LSAMP: variants seen among roughly 807,000 people sequenced by gnomAD.
LSAMP encodes limbic system-associated membrane protein.
In LSAMP, 7 loss-of-function variants were observed where a neutral mutation model predicts 38.6. The observed-to-expected ratio is 0.18, with a 90% confidence interval of 0.10 to 0.34. LSAMP has a LOEUF of 0.34. LSAMP is among the 10% of genes least tolerant of loss of function. LSAMP has a pLI of 1.00. For missense variants in LSAMP, 313 were observed against 420.0 expected (o/e 0.75, Z 2.23); for synonymous variants, 154 against 166.8 (o/e 0.92, Z 0.59).
intron 1 of LSAMP, among the ~76,000 whole-genome samples, chr3:116,444,330 C>T (rs1014288336): frequency 4.7e-5 from 7 of 150,444 alleles, no homozygotes; most frequent in African/African-American, 1.7e-4. Flanking sequence ...ATCAGAAACC[C>T]TCACACACAA....
At chr3:116,381,246 A>C (rs2048554539) in intron 1 of LSAMP, among the ~76,000 whole-genome samples, 1 of 152,050 alleles carries the variant, frequency 6.6e-6, no homozygotes, top group Non-Finnish European at 1.5e-5. Context: ...AGTTCAATGG[A>C]TCATTAGACT....
intron 1 of LSAMP, among the ~76,000 whole-genome samples, chr3:116,116,848 A>G (rs1264624036): frequency 6.6e-6 from 1 of 152,218 alleles, no homozygotes; most frequent in East Asian, 1.9e-4. Context: ...GGCCATGCAT[A>G]GGTTCTCTGG....
chr3:116,256,352 A>G (rs775507537), intron 1 of LSAMP, among the ~76,000 whole-genome samples: 2 of 152,196 alleles, frequency 1.3e-5, no homozygotes, highest in Non-Finnish European at 2.9e-5. Flanking sequence ...CAAGCGTGGA[A>G]AGATAGAATA....
intron 6 of LSAMP, among the ~76,000 whole-genome samples, chr3:115,826,760 C>T (rs573236679): frequency 5.3e-5 from 8 of 152,298 alleles, no homozygotes; most frequent in African/African-American, 1.9e-4. Context: ...AATGTAACCT[C>T]TTTCTTGTGT....
intron 1 of LSAMP, among the ~76,000 whole-genome samples, chr3:116,373,200 G>A (rs1480046779): frequency 4.0e-5 from 6 of 151,024 alleles, no homozygotes; most frequent in African/African-American, 1.2e-4. Flanking sequence ...TAAGCAAAAC[G>A]TGTTTTTTAT....
In LSAMP at chr3:116,036,706, A is replaced by C. The variant is rs1232948452; in HGVS notation, c.389-17066T>G. On this transcript the variant is annotated intron_variant, in intron 2 of 6. Coordinates refer to ENST00000490035, the MANE Select transcript of LSAMP (RefSeq NM_002338.5). ...ATTCTGTAAAATCTAAACAAAGATA[A>C]TATAAGAGTATTATTGAATTAGCAA... Among the ~76,000 whole-genome samples, 4 of 141,566 alleles carry C rather than the reference A, an allele frequency of 2.8e-5. No individual in the cohort carries two copies. In the South Asian group the frequency reaches 8.4e-4, roughly 30 times the overall value. 92.9% of individuals were successfully genotyped at this position (141,566 alleles called of 152,430 possible).
At chr3:115,967,898 T>A (rs1033594951) in intron 3 of LSAMP, among the ~76,000 whole-genome samples, 1 of 152,038 alleles carries the variant, frequency 6.6e-6, no homozygotes, top group Non-Finnish European at 1.5e-5. Context: ...CAAGATGAGA[T>A]TTGGGTGGAG....
chr3:116,045,997 T>C (rs1941280950), intron 2 of LSAMP, among the ~76,000 whole-genome samples: 1 of 152,218 alleles, frequency 6.6e-6, no homozygotes, highest in Non-Finnish European at 1.5e-5. Context: ...CACTTACTCA[T>C]GCTTTTGAAA....
chr3:116,305,178 AGT>A (rs1356394412), intron 1 of LSAMP, among the ~76,000 whole-genome samples: 2 of 152,112 alleles, frequency 1.3e-5, no homozygotes, highest in Non-Finnish European at 2.9e-5. Flanking sequence ...ATTCTACTAT[AGT>A]TCCCTCATAA....
chr3:116,265,446 C>T (rs1171611788), intron 1 of LSAMP, among the ~76,000 whole-genome samples: 4 of 152,218 alleles, frequency 2.6e-5, no homozygotes, highest in Non-Finnish European at 5.9e-5. Context: ...ATTGACGGTT[C>T]ATAGCCTGCC....
intron 1 of LSAMP, 70 bp downstream of exon 1, chr3:116,444,806 AC>A (rs1432229323): frequency 0.13 from 201,110 of 1,505,994 alleles, 10,919 homozygotes; most frequent in African/African-American, 0.29. Flanking sequence ...ACACACACAC[AC>A]ACAAACACAC....
intron 1 of LSAMP, among the ~76,000 whole-genome samples, chr3:116,355,739 G>A (rs1241428886): frequency 6.6e-6 from 1 of 151,970 alleles, no homozygotes; most frequent in Non-Finnish European, 1.5e-5. Flanking sequence ...AACTCTACAG[G>A]AAAAAATCTA....
At position 115,852,471 on chromosome 3, in the gene LSAMP, T is replaced by A; in HGVS notation, c.649+12A>T. The A allele has an allele frequency of 1.2e-6, 2 of 1,605,078 alleles. No individual in the cohort carries two copies. The highest frequency in any genetic ancestry group is 4.5e-5 in the East Asian group (2 of 44,592). ...TGGGCACCTAGCACCTGCTGGCTCC[T>A]GCCGTACTCACAGTTCACAGTGACC... On this transcript the variant is annotated intron_variant, in intron 4 of 6. Transcript: ENST00000490035.
In LSAMP at chr3:116,445,275, AAGAG is replaced by A; in HGVS notation, c.-248_-245del. On this transcript the variant is annotated 5_prime_UTR_variant, in exon 1 of 7. Transcript: ENST00000490035. ...AAAAGTAAAAGCAACACAATTTCAA[AAGAG>A]AGAGTGCAAATAGCAAGCCCTCTGG... The A allele has an allele frequency of 3.4e-6, 2 of 588,668 alleles. No individual in the cohort carries two copies. Among genetic ancestry groups the A allele is most frequent in the Non-Finnish European group, 6.0e-6 (2 of 332,132 alleles). The allele number at this position is 588,668 out of a possible 1,614,324, so 36.5% of individuals were successfully genotyped here.
intron 1 of LSAMP, among the ~76,000 whole-genome samples, chr3:116,252,206 C>A (rs1172804623): frequency 6.6e-6 from 1 of 152,206 alleles, no homozygotes; most frequent in African/African-American, 2.4e-5. Flanking sequence ...AGTCCATAAG[C>A]ACAAAGAAGC....
At chr3:116,413,703 A>G (rs1242021938) in intron 1 of LSAMP, among the ~76,000 whole-genome samples, 1 of 152,098 alleles carries the variant, frequency 6.6e-6, no homozygotes, top group African/African-American at 2.4e-5. Context: ...GGGTATGGGT[A>G]CAAATTATCC....
intron 1 of LSAMP, among the ~76,000 whole-genome samples, chr3:116,164,767 T>A (rs1355736135): frequency 0.012 from 1,620 of 140,422 alleles, 30 homozygotes; most frequent in Non-Finnish European, 0.019. Flanking sequence ...TATATTTTTT[T>A]TTTTTTTCAA....
intron 6 of LSAMP, among the ~76,000 whole-genome samples, chr3:115,819,898 T>A (rs1020019883): frequency 1.7e-4 from 26 of 152,204 alleles, no homozygotes; most frequent in African/African-American, 5.8e-4. Flanking sequence ...CAGAACATTC[T>A]GAGCACATTT....
rs150747478 is a variant in LSAMP, at chr3:115,897,495, T to C, written c.515-44878A>G. On this transcript the variant is annotated intron_variant, in intron 3 of 6. Coordinates refer to ENST00000490035, the MANE Select transcript of LSAMP (RefSeq NM_002338.5). ...ATGGGAAAAGTGGTAAACCATAGTG[T>C]TCTACCTGATCAAGAAGCTGGGGGG... 3.1e-3 allele frequency among the ~76,000 whole-genome samples: 477 copies of C among 152,180 alleles called. 1 individual carries two copies. The highest frequency in any genetic ancestry group is 0.011 in the African/African-American group (450 of 41,536).
Sources: gnomAD v4.1 joint callset for allele counts (sites outside exome capture counted in the v4.1 genomes callset) on GRCh38, gnomAD v4.1.1 for gene constraint, MANE v1.5 for transcripts, NCBI Gene and HGNC (gene_info 2026-07-23, HGNC 2026-07-21) for gene names.